The following FBXO34 variants were observed in gnomAD, a reference collection of about 807,000 sequenced individuals.
The protein encoded by FBXO34 is F-box only protein 34.
In FBXO34, 12 loss-of-function variants were observed where a neutral mutation model predicts 24.5. The ratio of observed to expected loss-of-function variants is 0.49; its 90% confidence interval spans 0.31 to 0.79. FBXO34 has a LOEUF of 0.79. Ranked by LOEUF, FBXO34 falls within the 30% of genes least tolerant of loss-of-function variation. The pLI, the probability that FBXO34 is intolerant of heterozygous loss-of-function variation, is 0.04. For missense variants in FBXO34, 823 were observed against 857.7 expected (o/e 0.96, Z 0.51); for synonymous variants, 320 against 311.9 (o/e 1.03, Z -0.27).
chr14:55,368,226 CT>C (rs552931513), downstream of FBXO34: 38 of 147,256 alleles, frequency 2.6e-4, no homozygotes, highest in Non-Finnish European at 2.7e-4. Context: ...GAGGGAAATT[CT>C]TTTTTTTTTT....
At chr14:55,432,442 A>AACAAAAAAAAAC in the FBXO34 span, among the ~76,000 whole-genome samples, 22,916 of 148,866 alleles carry the variant, frequency 0.15, 2,399 homozygotes, top group African/African-American at 0.31. Flanking sequence ...ATAAACAAAC[A>AACAAAAAAAAAC]ACAAAAAAAA....
At chr14:55,378,613 T>TCCTC in the FBXO34 span, among the ~76,000 whole-genome samples, 20 of 151,934 alleles carry the variant, frequency 1.3e-4, no homozygotes, top group African/African-American at 4.3e-4. Flanking sequence ...CTCCCTCCCT[T>TCCTC]CCTCCCTCCC....
the FBXO34 span, among the ~76,000 whole-genome samples, chr14:55,442,062 C>T: frequency 6.6e-6 from 1 of 151,468 alleles, no homozygotes; most frequent in Non-Finnish European, 1.5e-5. Context: ...CGTGTCTGGC[C>T]TATAATTGAC....
the FBXO34 span, chr14:55,440,742 C>A: frequency 1.8e-6 from 1 of 568,970 alleles, no homozygotes; most frequent in Non-Finnish European, 3.0e-6. Flanking sequence ...CCACTCTGCC[C>A]GCAGCTGGGA....
At chr14:55,394,717 T>C in the FBXO34 span, among the ~76,000 whole-genome samples, 1 of 152,126 alleles carries the variant, frequency 6.6e-6, no homozygotes, top group Non-Finnish European at 1.5e-5. Context: ...ACAGTTCTAC[T>C]AAAAAACAAC....
At chr14:55,322,741 G>A (rs373682125) in intron 1 of FBXO34, among the ~76,000 whole-genome samples, 4 of 152,042 alleles carry the variant, frequency 2.6e-5, no homozygotes, top group African/African-American at 9.7e-5. Context: ...AAAGTTTAAC[G>A]TTTATATTTA....
chr14:55,390,472 C>T, the FBXO34 span, among the ~76,000 whole-genome samples: 2 of 152,060 alleles, frequency 1.3e-5, no homozygotes, highest in African/African-American at 4.8e-5. Context: ...CTCCTGGGTT[C>T]ACACCATTCT....
chr14:55,429,016 C>T, the FBXO34 span: 1 of 1,605,442 alleles, frequency 6.2e-7, no homozygotes, highest in Non-Finnish European at 8.5e-7. Context: ...TTAATCGCTA[C>T]ATCCTCTCAA....
intron 1 of FBXO34, among the ~76,000 whole-genome samples, chr14:55,286,323 T>C (rs1162571107): frequency 6.6e-6 from 1 of 152,248 alleles, no homozygotes; most frequent in Non-Finnish European, 1.5e-5. Flanking sequence ...AAGAAAACCA[T>C]ATCAAGCCTT....
At chr14:55,440,367 T>C in the FBXO34 span, 3 of 1,612,376 alleles carry the variant, frequency 1.9e-6, no homozygotes, top group Middle Eastern at 1.6e-4. Flanking sequence ...ACTTGGGTCC[T>C]GACTCTGGGA....
At chr14:55,382,785 A>G in the FBXO34 span, among the ~76,000 whole-genome samples, 1 of 152,224 alleles carries the variant, frequency 6.6e-6, no homozygotes, top group Non-Finnish European at 1.5e-5. Flanking sequence ...AGGTTCTCAA[A>G]CTACTTGGTC....
Position 55,351,540 on chromosome 14 carries a change from A to G in FBXO34, c.1150A>G (p.Ile384Val), listed in dbSNP as rs1594768115. ...PPLPAGVSFHIDSAELEPGSQ... is the reference protein window; with the variant it reads ...PPLPAGVSFHVDSAELEPGSQ... Reference sequence around the variant, plus strand: ...ATTGCCAGCAGGAGTGAGTTTCCACATAGACAGTGCAGAGTTAGAGCCGGG... The same window carrying G: ...ATTGCCAGCAGGAGTGAGTTTCCACGTAGACAGTGCAGAGTTAGAGCCGGG... Residue 384 changes from isoleucine to valine, a missense_variant, in exon 2 of 2, where the codon ATA becomes GTA. Coordinates refer to ENST00000313833, the MANE Select transcript of FBXO34 (RefSeq NM_017943.4). The G allele has an allele frequency of 1.2e-6, 2 of 1,614,150 alleles. No individual in the cohort carries two copies. Among genetic ancestry groups the G allele is most frequent in the Non-Finnish European group, 1.7e-6 (2 of 1,180,028 alleles).
chr14:55,403,711 A>C, the FBXO34 span, among the ~76,000 whole-genome samples: 1 of 152,200 alleles, frequency 6.6e-6, no homozygotes, highest in Admixed American at 6.5e-5. Context: ...CCAGCAAAAT[A>C]GTATGTATTG....
chr14:55,318,336 A>G (rs1167892426), intron 1 of FBXO34: 2 of 5,192 alleles, frequency 3.9e-4, no homozygotes, highest in African/African-American at 1.1e-3. Context: ...TGCAAGTCAT[A>G]TATATATATA....
intron 1 of FBXO34, among the ~76,000 whole-genome samples, chr14:55,276,185 A>C (rs1450132283): frequency 2.6e-5 from 4 of 152,188 alleles, no homozygotes; most frequent in Admixed American, 2.6e-4. Context: ...TCAGTCCTTT[A>C]ATTGATGAAC....
chr14:55,358,890 C>T (rs1002826261), intron 3 of FBXO34, among the ~76,000 whole-genome samples: 10 of 152,016 alleles, frequency 6.6e-5, no homozygotes, highest in African/African-American at 1.7e-4. Context: ...ACTACTGACA[C>T]GTGTAATAGA....
the FBXO34 span, among the ~76,000 whole-genome samples, chr14:55,379,237 T>C: frequency 6.6e-6 from 1 of 152,102 alleles, no homozygotes; most frequent in South Asian, 2.1e-4. Context: ...AGTGTTTATT[T>C]AAAGGGGGAA....
chr14:55,289,829 G>C (rs1362712939), intron 1 of FBXO34, among the ~76,000 whole-genome samples: 6 of 151,876 alleles, frequency 4.0e-5, no homozygotes, highest in African/African-American at 7.3e-5. Context: ...TTACAGGAGT[G>C]GGTCCCCAAG....
intron 1 of FBXO34, among the ~76,000 whole-genome samples, chr14:55,337,465 C>T (rs565600894): frequency 3.9e-5 from 6 of 152,300 alleles, no homozygotes; most frequent in South Asian, 2.1e-4. Flanking sequence ...CTCAGGCCTC[C>T]GCTCAAGACT....
Sources: gnomAD v4.1 joint callset for allele counts (sites outside exome capture counted in the v4.1 genomes callset) on GRCh38, gnomAD v4.1.1 for gene constraint, MANE v1.5 for transcripts, NCBI Gene and HGNC (gene_info 2026-07-23, HGNC 2026-07-21) for gene names.